ATP8A2: variants seen among roughly 807,000 people sequenced by gnomAD.
ATP8A2 encodes ATPase phospholipid transporting 8A2.
Under a neutral mutation model 165.6 loss-of-function variants are expected in ATP8A2, and 100 were observed. The ratio of observed to expected loss-of-function variants is 0.60; its 90% CI spans 0.51 to 0.71. The LOEUF is 0.71. ATP8A2 is among the 30% of genes least tolerant of loss of function. The probability of loss-of-function intolerance (pLI) is 0.00; values close to 1 mark genes in which losing one functional copy is unlikely to be tolerated. For synonymous variants in ATP8A2, 543 were observed against 548.8 expected (o/e 0.99, Z 0.15); for missense variants, 1,227 against 1,479.5 (o/e 0.83, Z 2.80).
At chr13:25,455,161 A>G (rs887915858) in intron 1 of ATP8A2, among the ~76,000 whole-genome samples, 8 of 152,174 alleles carry the variant, frequency 5.3e-5, no homozygotes, top group East Asian at 1.9e-4. Flanking sequence ...CCCCACAGCA[A>G]TGTCTCCTGA....
intron 1 of ATP8A2, among the ~76,000 whole-genome samples, chr13:25,457,129 T>C (rs1207254692): frequency 6.6e-6 from 1 of 152,220 alleles, no homozygotes; most frequent in African/African-American, 2.4e-5. Context: ...TCTTTAGTAT[T>C]TGGGACTTGG....
At position 25,750,071 on chromosome 13, in the gene ATP8A2, C is replaced by T. The variant is rs1055265457; in HGVS notation, c.2385-18975C>T. On this transcript the variant is annotated intron_variant, in intron 25 of 36. Coordinates refer to ENST00000381655, the MANE Select transcript of ATP8A2 (RefSeq NM_016529.6). This position sits in a 1 kb window ranked among gnomAD's most constrained non-coding sequence, Gnocchi z 4.3. ...ATGTATGTGAGCTCCTGTTTGTATA[C>T]GAAACAACCAAGTTCATCTTTAGAA... is the stretch of plus-strand genomic sequence containing the variant. 5.3e-5 allele frequency among the ~76,000 whole-genome samples: 8 copies of T among 152,132 alleles called. No individual in the cohort carries two copies. The highest frequency in any genetic ancestry group is 2.0e-4 in the Admixed American group (3 of 15,272).
intron 33 of ATP8A2, among the ~76,000 whole-genome samples, chr13:25,875,884 C>CCT (rs2138829174): frequency 6.6e-6 from 1 of 152,288 alleles, no homozygotes. Flanking sequence ...GGAAGTACTA[C>CCT]GCTAATCATT....
At chr13:25,498,693 G>T (rs959238040) in intron 2 of ATP8A2, among the ~76,000 whole-genome samples, 1 of 152,194 alleles carries the variant, frequency 6.6e-6, no homozygotes, top group Non-Finnish European at 1.5e-5. Context: ...GAAGGTAGGG[G>T]TTTAAATAAT....
intron 27 of ATP8A2, among the ~76,000 whole-genome samples, chr13:25,791,504 C>T (rs957780566): frequency 6.7e-6 from 1 of 149,948 alleles, no homozygotes; most frequent in Admixed American, 6.7e-5. Flanking sequence ...ATGTAACAAA[C>T]CTGCACATGT....
intron 22 of ATP8A2, among the ~76,000 whole-genome samples, chr13:25,580,496 C>G (rs911279678): frequency 6.6e-6 from 1 of 152,054 alleles, no homozygotes; most frequent in African/African-American, 2.4e-5. Flanking sequence ...TGTTGGCAGC[C>G]ATAGGGCCAT....
Position 25,839,565 on chromosome 13 carries a change from T to TA in ATP8A2, c.2897_2898insA (p.Asn967GlnfsTer20). 1 of 1,614,146 alleles carries TA rather than the reference T, an allele frequency of 6.2e-7. No individual in the cohort carries two copies. The highest frequency in any genetic ancestry group is 8.5e-7 in the Non-Finnish European group (1 of 1,179,986). On this transcript the variant is annotated frameshift_variant, in exon 30 of 37. Coordinates refer to ENST00000381655, the MANE Select transcript of ATP8A2 (RefSeq NM_016529.6). LOFTEE classifies it high-confidence loss of function. Reference sequence around the variant, plus strand: ...CCTTAGGTTTTCTGGGGTCACTGCATCAACGCCTTGGTCCACTCCCTCATC... The same window carrying TA: ...CCTTAGGTTTTCTGGGGTCACTGCATACAACGCCTTGGTCCACTCCCTCATC...
intron 2 of ATP8A2, among the ~76,000 whole-genome samples, chr13:25,485,571 C>A (rs868543075): frequency 1.3e-5 from 2 of 152,222 alleles, no homozygotes; most frequent in Admixed American, 1.3e-4. Context: ...GAAAACCATT[C>A]TAGTCCACAG....
intron 25 of ATP8A2, among the ~76,000 whole-genome samples, chr13:25,731,244 GGA>G (rs377125211): frequency 1.2e-3 from 155 of 128,140 alleles, no homozygotes; most frequent in Non-Finnish European, 1.3e-3. Context: ...GAGAGAGAGA[GGA>G]AGGAAGGAAG....
At chr13:25,791,528 AAC>A (rs67701751) in intron 27 of ATP8A2, among the ~76,000 whole-genome samples, 2,414 of 102,028 alleles carry the variant, frequency 0.024, 31 homozygotes, top group Middle Eastern at 0.038. Context: ...CCCGAACTTA[AAC>A]ACACACACAC....
chr13:25,934,332 A>G (rs1954832578), intron 33 of ATP8A2, among the ~76,000 whole-genome samples: 1 of 152,220 alleles, frequency 6.6e-6, no homozygotes, highest in Non-Finnish European at 1.5e-5. Flanking sequence ...ACAGGGATGT[A>G]GAGAACGTGT....
rs372140052 is a variant in ATP8A2 at position 25,762,027 on chromosome 13, C to T, written c.2385-7019C>T. 6.6e-5 allele frequency among the ~76,000 whole-genome samples: 10 copies of T among 151,632 alleles called. No individual in the cohort carries two copies. The South Asian group carries it at 8.4e-4, about 13-fold the overall frequency. Reference sequence around the variant, plus strand: ...CTGTAATCTCAGCACTTTGGGAGGTCGAGGCAGGCAGATCACCTGAGGTCA... The same window carrying T: ...CTGTAATCTCAGCACTTTGGGAGGTTGAGGCAGGCAGATCACCTGAGGTCA... On this transcript the variant is annotated intron_variant, in intron 25 of 36. Coordinates refer to ENST00000381655, the MANE Select transcript of ATP8A2 (RefSeq NM_016529.6).
At chr13:25,436,787 T>C (rs1243070849) in intron 1 of ATP8A2, among the ~76,000 whole-genome samples, 1 of 152,026 alleles carries the variant, frequency 6.6e-6, no homozygotes, top group East Asian at 1.9e-4. Context: ...ATGACTTTTT[T>C]TTTTTTTTAA....
chr13:25,402,257 C>G (rs985745643), intron 1 of ATP8A2, among the ~76,000 whole-genome samples: 2 of 152,138 alleles, frequency 1.3e-5, no homozygotes, highest in African/African-American at 4.8e-5. Flanking sequence ...TTGTTTATTT[C>G]TGGAATTTTT....
chr13:25,451,852 G>A (rs911641795), intron 1 of ATP8A2, among the ~76,000 whole-genome samples: 1 of 146,800 alleles, frequency 6.8e-6, no homozygotes, highest in African/African-American at 2.5e-5. Flanking sequence ...TACCTTCATG[G>A]TTTTTTTTTT....
chr13:25,669,558 C>T (rs1020621307), intron 24 of ATP8A2, among the ~76,000 whole-genome samples: 1 of 152,202 alleles, frequency 6.6e-6, no homozygotes, highest in Non-Finnish European at 1.5e-5. Context: ...CAGGTCTTCT[C>T]CAAGCATGTG....
chr13:25,396,185 C>A (rs1031599778), intron 1 of ATP8A2, among the ~76,000 whole-genome samples: 1 of 152,170 alleles, frequency 6.6e-6, no homozygotes, highest in East Asian at 1.9e-4. Flanking sequence ...CCAGCAAGGC[C>A]TGCCTGTCTG....
chr13:25,419,527 A>G (rs765726285), intron 1 of ATP8A2, among the ~76,000 whole-genome samples: 1 of 152,222 alleles, frequency 6.6e-6, no homozygotes, highest in African/African-American at 2.4e-5. Flanking sequence ...TTTTTAGGCC[A>G]TTTTGACTAA....
chr13:25,613,217 A>G (rs951673077), intron 24 of ATP8A2, among the ~76,000 whole-genome samples: 2 of 152,212 alleles, frequency 1.3e-5, no homozygotes, highest in African/African-American at 2.4e-5. Context: ...GATAGGTCCT[A>G]TGAGATTCAG....
Sources: allele counts gnomAD v4.1 joint callset (sites outside exome capture counted in the v4.1 genomes callset), GRCh38; gene constraint gnomAD v4.1.1; non-coding constraint Gnocchi (gnomAD v3.1); transcripts MANE v1.5; gene names NCBI Gene and HGNC (gene_info 2026-07-23, HGNC 2026-07-21).